The following ABCC8 variants were observed in gnomAD, a reference collection of about 807,000 sequenced individuals.
ABCC8 encodes ATP-binding cassette sub-family C member 8.
In ABCC8, 137 loss-of-function variants were observed where a neutral mutation model predicts 188.0. The observed-to-expected ratio is 0.73, with a 90% CI of 0.63 to 0.84. The LOEUF (loss-of-function observed/expected upper bound fraction) is 0.84. Among genes scored for constraint, ABCC8 ranks in the 40% least tolerant of loss-of-function variants. The pLI is 0.00. For missense variants in ABCC8, 1,750 were observed against 2,072.7 expected (o/e 0.84, Z 3.02); for synonymous variants, 797 against 846.5 (o/e 0.94, Z 1.01).
Position 17,448,627 on chromosome 11 carries a change from C to G in ABCC8, c.1221G>C (p.Leu407=), listed in dbSNP as rs774794059. 2 of 1,614,038 alleles carry G rather than the reference C, an allele frequency of 1.2e-6. No homozygotes were observed. Among genetic ancestry groups the G allele is most frequent in the African/African-American group, 1.3e-5 (1 of 74,914 alleles). ...NKIMHLSTSN[L]SMGEMTAGQI... ...GTCCAGCAGTCATTTCTCCCATGGA[C>G]AGGTTGGAGGTGGACAGGTGCATAA... Residue 407 remains leucine (L), a synonymous_variant, in exon 8 of 39, where the codon CTG becomes CTC. Transcript: ENST00000389817.
At chr11:17,458,479 G>T (rs1347298881) in intron 6 of ABCC8, among the ~76,000 whole-genome samples, 1 of 152,242 alleles carries the variant, frequency 6.6e-6, no homozygotes, top group East Asian at 1.9e-4. Flanking sequence ...GAAGAAGAGC[G>T]TGGTGTGGAC....
At chr11:17,400,768 G>A (rs1025215528) in intron 29 of ABCC8, among the ~76,000 whole-genome samples, 21 of 152,164 alleles carry the variant, frequency 1.4e-4, no homozygotes, top group African/African-American at 4.1e-4. Flanking sequence ...TCTGGGTCTC[G>A]CTTCTGCATC....
chr11:17,464,912 C>T (rs536000782), intron 3 of ABCC8, among the ~76,000 whole-genome samples: 1 of 152,348 alleles, frequency 6.6e-6, no homozygotes, highest in South Asian at 2.1e-4. Flanking sequence ...TCACCCTGCC[C>T]TCTATCCCTA....
rs1488152673 is a variant in ABCC8 at position 17,434,726 on chromosome 11, G to A, written c.1631-2482C>T. Among the ~76,000 whole-genome samples, 12 of 152,004 alleles carry A rather than the reference G, an allele frequency of 7.9e-5. No homozygotes were observed. In the South Asian group the frequency reaches 8.3e-4, roughly 11 times the overall value. On this transcript the variant is annotated intron_variant, in intron 10 of 38. Coordinates refer to ENST00000389817, the MANE Select transcript of ABCC8 (RefSeq NM_000352.6). ...ATTGTCTTTATTTTTGTAGCTCCCT[G>A]AACTCCTTTGAGGAATGAGACAAGC... is the stretch of plus-strand genomic sequence containing the variant.
chr11:17,430,687 C>T (rs1955805271), intron 12 of ABCC8, 127 bp downstream of exon 12: 3 of 1,142,780 alleles, frequency 2.6e-6, no homozygotes, highest in South Asian at 2.5e-5. Context: ...GGACCAGCTA[C>T]AGCAAGGCCC....
At chr11:17,401,408 C>A (rs4148638) in intron 29 of ABCC8, among the ~76,000 whole-genome samples, 36,558 of 152,048 alleles carry the variant, frequency 0.24, 5,293 homozygotes, top group East Asian at 0.55. Flanking sequence ...CTCTTCTTTA[C>A]TTAGACAAGA....
intron 10 of ABCC8, among the ~76,000 whole-genome samples, chr11:17,433,784 G>A (rs545967261): frequency 5.9e-5 from 9 of 152,326 alleles, no homozygotes; most frequent in Non-Finnish European, 8.8e-5. Flanking sequence ...TGGAGCCCTC[G>A]TATGGCTGGG....
At chr11:17,459,969 C>G (rs140462583) in intron 6 of ABCC8, among the ~76,000 whole-genome samples, 1 of 152,136 alleles carries the variant, frequency 6.6e-6, no homozygotes, top group African/African-American at 2.4e-5. Context: ...AATAAAACTA[C>G]GGGCAGCTTT....
intron 10 of ABCC8, among the ~76,000 whole-genome samples, chr11:17,433,452 T>C (rs1045547752): frequency 6.6e-6 from 1 of 152,248 alleles, no homozygotes; most frequent in Admixed American, 6.5e-5. Context: ...AGAAGTTGAC[T>C]GCCCATTTAC....
At chr11:17,470,246 C>G in intron 2 of ABCC8, 24 bp from the exon 3 acceptor site, 2 of 1,613,878 alleles carry the variant, frequency 1.2e-6, no homozygotes, top group Non-Finnish European at 1.7e-6. Context: ...GAGAAACAGA[C>G]AGGATGGGGA....
intron 1 of ABCC8, 199 bp from the exon 2 acceptor site, chr11:17,475,226 C>T (rs1335823353): frequency 3.9e-6 from 1 of 254,450 alleles, no homozygotes; most frequent in Non-Finnish European, 6.2e-6. Flanking sequence ...CCCCACCACA[C>T]CTTTTTACTG....
intron 22 of ABCC8, chr11:17,410,290 C>T (rs932063182): frequency 7.4e-5 from 40 of 542,110 alleles, no homozygotes; most frequent in Non-Finnish European, 1.2e-4. Flanking sequence ...CCATGGGGGG[C>T]CCGGGCCAGG....
At chr11:17,397,133 C>A in intron 32 of ABCC8, 60 bp downstream of exon 32, 1 of 1,613,388 alleles carries the variant, frequency 6.2e-7, no homozygotes, top group Non-Finnish European at 8.5e-7. Flanking sequence ...CCCTTGTGGC[C>A]CCCAACCCAG....
Position 17,405,519 on chromosome 11 carries a change from G to A in ABCC8, c.3374C>T (p.Ser1125Leu), listed in dbSNP as rs1482061635. ...TPLGSILNRF[S>L]SDCNTIDQHI... ...CTGGTCGATGGTGTTACAGTCAGAT[G>A]AAAATCTGTTCAGGATGCTCCCAAG... Residue 1125 changes from serine (S) to leucine (L), a missense_variant, in exon 27 of 39, where the codon TCA becomes TTA. Coordinates refer to ENST00000389817, the MANE Select transcript of ABCC8 (RefSeq NM_000352.6). The A allele has an allele frequency of 6.2e-7, 1 of 1,614,130 alleles. No homozygotes were observed. The highest frequency in any genetic ancestry group is 8.5e-7 in the Non-Finnish European group (1 of 1,180,042).
Position 17,451,451 on chromosome 11 carries a change from A to T in ABCC8, c.1176+1668T>A, listed in dbSNP as rs937945386. On this transcript the variant is annotated intron_variant, in intron 7 of 38. Transcript: ENST00000389817. ...GGGGATGGGCAGGGTTGCCATATATAGCTGCACAGGTTGTGCACTGCACAA... is the reference window on the plus strand; with the variant it reads ...GGGGATGGGCAGGGTTGCCATATATTGCTGCACAGGTTGTGCACTGCACAA... Among the ~76,000 whole-genome samples the T allele has an allele frequency of 3.9e-5, 6 of 152,226 alleles. No individual in the cohort carries two copies. The South Asian group carries it at 8.3e-4, about 21-fold the overall frequency.
chr11:17,430,226 AG>A (rs1192240871), intron 12 of ABCC8: 1 of 161,978 alleles, frequency 6.2e-6, no homozygotes, highest in South Asian at 1.7e-4. Context: ...CATTCCCAAG[AG>A]GGCAATGCCT....
intron 11 of ABCC8, 96 bp downstream of exon 11, chr11:17,432,108 G>A: frequency 6.9e-7 from 1 of 1,458,148 alleles, no homozygotes; most frequent in Non-Finnish European, 9.4e-7. Context: ...GTCTTCTGAG[G>A]CCCCTGTGCA....
chr11:17,402,898 G>A, intron 28 of ABCC8, 145 bp from the exon 29 acceptor site: 1 of 960,710 alleles, frequency 1.0e-6, no homozygotes, highest in Non-Finnish European at 1.6e-6. Context: ...GAAGGGGGAA[G>A]ACAATGCCAC....
chr11:17,453,453 T>A, intron 6 of ABCC8, 170 bp from the exon 7 acceptor site: 1 of 414,764 alleles, frequency 2.4e-6, no homozygotes, highest in Non-Finnish European at 3.2e-6. Context: ...TAAATCCAAC[T>A]AAACGTTTTT....
Sources: allele counts gnomAD v4.1 joint callset (sites outside exome capture counted in the v4.1 genomes callset), GRCh38; gene constraint gnomAD v4.1.1; transcripts MANE v1.5; gene names NCBI Gene and HGNC (gene_info 2026-07-23, HGNC 2026-07-21).